PGBD5: variants seen among roughly 807,000 people sequenced by gnomAD.
The protein encoded by PGBD5 is piggyBac transposable element derived 5, also known as piggyBac transposable element-derived protein 5.
A neutral mutation model predicts 47.9 loss-of-function variants in PGBD5; 14 were observed. The observed-to-expected ratio is 0.29, with a 90% CI of 0.19 to 0.46. The LOEUF (loss-of-function observed/expected upper bound fraction) is 0.46. PGBD5 is among the 20% of genes least tolerant of loss of function. The pLI is 1.00. For missense variants in PGBD5, 635 were observed against 716.0 expected (o/e 0.89, Z 1.29); for synonymous variants, 316 against 306.3 (o/e 1.03, Z -0.33).
At chr1:230,388,564 C>T (rs1210427019) in intron 1 of PGBD5, among the ~76,000 whole-genome samples, 3 of 152,022 alleles carry the variant, frequency 2.0e-5, no homozygotes, top group Admixed American at 6.6e-5. Flanking sequence ...TACAGGCGCC[C>T]GCCACCACAC....
intron 2 of PGBD5, among the ~76,000 whole-genome samples, chr1:230,355,062 G>A (rs981057948): frequency 5.3e-5 from 8 of 152,284 alleles, no homozygotes; most frequent in African/African-American, 1.9e-4. Context: ...TCACCTGGAA[G>A]CAAATACAAG....
chr1:230,344,406 C>T (rs913785908), intron 3 of PGBD5, among the ~76,000 whole-genome samples: 1 of 152,202 alleles, frequency 6.6e-6, no homozygotes, highest in Non-Finnish European at 1.5e-5. Flanking sequence ...GTTTCCTTAC[C>T]AAGAAACAGT....
chr1:230,347,087 T>C (rs952015061), intron 3 of PGBD5, among the ~76,000 whole-genome samples: 3 of 152,150 alleles, frequency 2.0e-5, no homozygotes, highest in African/African-American at 7.2e-5. Context: ...AAAAGAACAC[T>C]GAAGAAAGCA....
At chr1:230,370,638 GC>G (rs968151370) in intron 1 of PGBD5, among the ~76,000 whole-genome samples, 10 of 152,164 alleles carry the variant, frequency 6.6e-5, no homozygotes, top group African/African-American at 2.4e-4. Flanking sequence ...TTAACTCTTA[GC>G]CTCTAATGAG....
rs1303460715 is a variant in PGBD5, at chr1:230,323,062, T to G, written c.*363A>C. On this transcript the variant is annotated 3_prime_UTR_variant, in exon 7 of 7. Coordinates refer to ENST00000391860, the MANE Select transcript of PGBD5 (RefSeq NM_001258311.2). This position sits in a 1 kb window ranked among gnomAD's most constrained non-coding sequence, Gnocchi z 4.1. ...GCTGTAGATCTTTAGGAAGCAGGCA[T>G]CTCTCTTAGAGCGTGCTCCAGCTCA... 1 of 192,788 alleles carries G rather than the reference T, an allele frequency of 5.2e-6. No individual in the cohort carries two copies. Among genetic ancestry groups the G allele is most frequent in the Non-Finnish European group, 1.1e-5 (1 of 94,372 alleles). The allele number at this position is 192,788 out of a possible 1,614,324, so 11.9% of individuals were successfully genotyped here.
At chr1:230,422,827 G>A (rs1316310723) in intron 1 of PGBD5, among the ~76,000 whole-genome samples, 1 of 152,022 alleles carries the variant, frequency 6.6e-6, no homozygotes. Flanking sequence ...TTTTAGGGCT[G>A]GCACGGGAAC....
chr1:230,411,346 G>C (rs1657404156), intron 1 of PGBD5, among the ~76,000 whole-genome samples: 1 of 152,150 alleles, frequency 6.6e-6, no homozygotes, highest in African/African-American at 2.4e-5. Context: ...TTATGATTGA[G>C]AGCAGGTATA....
chr1:230,384,658 A>C (rs1446742462), intron 1 of PGBD5, among the ~76,000 whole-genome samples: 1 of 152,218 alleles, frequency 6.6e-6, no homozygotes, highest in Non-Finnish European at 1.5e-5. Context: ...TCAAGGCCAC[A>C]CAGGCAGTAA....
chr1:230,395,339 C>CTG (rs199610391), intron 1 of PGBD5, among the ~76,000 whole-genome samples: 1 of 55,268 alleles, frequency 1.8e-5, no homozygotes, highest in African/African-American at 8.5e-5. Flanking sequence ...CTCCCCATCC[C>CTG]AGCTCCTCTC....
At chr1:230,371,725 T>C (rs1171858430) in intron 1 of PGBD5, among the ~76,000 whole-genome samples, 1 of 152,202 alleles carries the variant, frequency 6.6e-6, no homozygotes, top group Non-Finnish European at 1.5e-5. Flanking sequence ...CCACTGGGGA[T>C]TTATGCAGGA....
intron 1 of PGBD5, chr1:230,368,108 A>C: frequency 1.5e-6 from 2 of 1,367,958 alleles, no homozygotes; most frequent in Non-Finnish European, 2.0e-6. Context: ...GATGTGCTCA[A>C]GTTCTGACCA....
At chr1:230,378,660 C>A (rs1452853978) in intron 1 of PGBD5, among the ~76,000 whole-genome samples, 2 of 152,156 alleles carry the variant, frequency 1.3e-5, no homozygotes, top group African/African-American at 4.8e-5. Flanking sequence ...AGGACAAATG[C>A]CCCCATAAAA....
At chr1:230,411,506 A>T (rs1571864289) in intron 1 of PGBD5, among the ~76,000 whole-genome samples, 1 of 152,384 alleles carries the variant, frequency 6.6e-6, no homozygotes, top group East Asian at 1.9e-4. Context: ...AAAATCAGAA[A>T]AAGTCACCAT....
chr1:230,351,190 C>T (rs1293982377), intron 2 of PGBD5, 98 bp from the exon 3 acceptor site: 2 of 1,336,918 alleles, frequency 1.5e-6, no homozygotes, highest in Non-Finnish European at 2.0e-6. Context: ...ATTTGAGCAG[C>T]TCTGTGACCT....
chr1:230,355,476 C>A (rs1667623129), intron 2 of PGBD5, among the ~76,000 whole-genome samples: 1 of 152,246 alleles, frequency 6.6e-6, no homozygotes, highest in South Asian at 2.1e-4. Flanking sequence ...TTTTCCCTTG[C>A]ATCCAGGCAA....
chr1:230,391,038 C>A (rs1315948076), intron 1 of PGBD5, among the ~76,000 whole-genome samples: 1 of 151,964 alleles, frequency 6.6e-6, no homozygotes, highest in Non-Finnish European at 1.5e-5. Context: ...CCACGCCCAG[C>A]CTCATTGCCA....
intron 5 of PGBD5, among the ~76,000 whole-genome samples, chr1:230,329,262 C>T (rs1667176976): frequency 6.6e-6 from 1 of 152,136 alleles, no homozygotes; most frequent in African/African-American, 2.4e-5. Context: ...TTGTGACTGG[C>T]CTGCATTTAA....
intron 1 of PGBD5, among the ~76,000 whole-genome samples, chr1:230,377,047 A>G (rs1668024046): frequency 6.6e-6 from 1 of 152,320 alleles, no homozygotes; most frequent in South Asian, 2.1e-4. Context: ...CTCTGGGCAT[A>G]GAGCTTCCTG....
At chr1:230,391,216 G>A (rs1024788725) in intron 1 of PGBD5, among the ~76,000 whole-genome samples, 5 of 152,180 alleles carry the variant, frequency 3.3e-5, no homozygotes, top group South Asian at 2.1e-4. Flanking sequence ...CTGGAACAAA[G>A]CAGATGGGGA....
Sources: gnomAD v4.1 joint callset for allele counts (sites outside exome capture counted in the v4.1 genomes callset) on GRCh38, gnomAD v4.1.1 for gene constraint, Gnocchi (gnomAD v3.1) non-coding constraint, MANE v1.5 for transcripts, NCBI Gene and HGNC (gene_info 2026-07-23, HGNC 2026-07-21) for gene names.